Variants in KDM4C observed in about 807,000 individuals in gnomAD.
KDM4C encodes lysine demethylase 4C, also known as lysine-specific demethylase 4C.
Under a neutral mutation model 129.3 loss-of-function variants are expected in KDM4C, and 81 were observed. The ratio of observed to expected loss-of-function variants is 0.63; its 90% CI spans 0.52 to 0.75. The LOEUF (loss-of-function observed/expected upper bound fraction) is 0.75. Among genes scored for constraint, KDM4C ranks in the 30% least tolerant of loss-of-function variants. The probability of loss-of-function intolerance (pLI) is 0.00; values close to 1 mark genes in which losing one functional copy is unlikely to be tolerated. For missense variants in KDM4C, 1,457 were observed against 1,304.0 expected, an observed-to-expected ratio of 1.12 and a Z score of -1.81; for synonymous variants, 573 against 456.1, an observed-to-expected ratio of 1.26 and a Z score of -3.26.
intron 15 of KDM4C, among the ~76,000 whole-genome samples, chr9:7,025,753 T>C (rs1446489779): frequency 6.6e-6 from 1 of 152,242 alleles, no homozygotes; most frequent in Non-Finnish European, 1.5e-5. Flanking sequence ...TTTTGGTTGG[T>C]TCATCTTTTA....
rs1170461363 is a variant in KDM4C at position 7,046,921 on chromosome 9, A to G, written c.2315+4A>G. On this transcript the variant is annotated splice_donor_region_variant and intron_variant, in intron 16 of 21. Transcript: ENST00000381309. The stretch of plus-strand genomic sequence containing the variant: ...TTAAGCAAACGAAGAACAATAAGTA[A>G]GTAATACATTAATTGTGTTGAATTT... 2.6e-6 allele frequency: 4 copies of G among 1,551,256 alleles called. No individual in the cohort carries two copies. The Admixed American group carries it at 5.0e-5, about 19-fold the overall frequency.
chr9:6,728,257 C>T (rs62566462), intron 1 of KDM4C, among the ~76,000 whole-genome samples: 13,098 of 152,196 alleles, frequency 0.086, 733 homozygotes, highest in Non-Finnish European at 0.12. Context: ...TATTCTTGGC[C>T]GGATGTGGTG....
At chr9:6,889,468 G>C (rs184534967) in intron 7 of KDM4C, among the ~76,000 whole-genome samples, 1 of 152,166 alleles carries the variant, frequency 6.6e-6, no homozygotes, top group Non-Finnish European at 1.5e-5. Context: ...GGGGCTGCCT[G>C]CGGGTGTAGG....
At chr9:7,054,340 C>G (rs1282425781) in intron 17 of KDM4C, among the ~76,000 whole-genome samples, 2 of 152,206 alleles carry the variant, frequency 1.3e-5, no homozygotes, top group South Asian at 2.1e-4. Context: ...CTTATTTTCT[C>G]TACTAGTATG....
chr9:6,824,501 T>C (rs1233846806), intron 4 of KDM4C, among the ~76,000 whole-genome samples: 1 of 152,136 alleles, frequency 6.6e-6, no homozygotes, highest in Admixed American at 6.5e-5. Flanking sequence ...TTCTCAAACT[T>C]TCATCTTAAG....
intron 1 of KDM4C, among the ~76,000 whole-genome samples, chr9:6,738,388 T>TCG (rs1336846146): frequency 6.6e-6 from 1 of 152,110 alleles, no homozygotes; most frequent in African/African-American, 2.4e-5. Flanking sequence ...GGCAGGAGAA[T>TCG]CGCTTGAACC....
chr9:6,864,630 A>G (rs145014950), intron 5 of KDM4C, among the ~76,000 whole-genome samples: 3 of 151,640 alleles, frequency 2.0e-5, no homozygotes, highest in African/African-American at 7.3e-5. Context: ...CAACATGCCC[A>G]GCTAATTTTT....
intron 15 of KDM4C, among the ~76,000 whole-genome samples, chr9:7,044,620 G>A (rs1047209047): frequency 6.6e-6 from 1 of 151,956 alleles, no homozygotes; most frequent in African/African-American, 2.4e-5. Context: ...AGGCACCAAT[G>A]ATGGAAAACA....
At chr9:6,854,748 C>T (rs1354818570) in intron 5 of KDM4C, among the ~76,000 whole-genome samples, 5 of 152,100 alleles carry the variant, frequency 3.3e-5, no homozygotes, top group Admixed American at 2.6e-4. Flanking sequence ...TACTGTGTAG[C>T]AGTTAAGAAG....
intron 8 of KDM4C, among the ~76,000 whole-genome samples, chr9:6,930,536 G>A (rs1049321740): frequency 4.0e-5 from 4 of 99,922 alleles, no homozygotes; most frequent in African/African-American, 6.9e-5. Flanking sequence ...ATGAATATAT[G>A]TGTTATATAT....
intron 17 of KDM4C, among the ~76,000 whole-genome samples, chr9:7,062,731 A>C (rs1354695932): frequency 6.7e-6 from 1 of 150,088 alleles, no homozygotes; most frequent in African/African-American, 2.5e-5. Flanking sequence ...TATTCCCTTT[A>C]CTGTTTTAAG....
Position 6,925,255 on chromosome 9 carries a change from C to T in KDM4C, c.921+32023C>T, listed in dbSNP as rs981421035. On this transcript the variant is annotated intron_variant, in intron 8 of 21. Transcript: ENST00000381309. ...GAGCTTCAGACGGAATAATTATGAA[C>T]AGCATTGTAGGAGGTAGTTACTATG... 7.7e-5 allele frequency: 76 copies of T among 985,270 alleles called. No individual in the cohort carries two copies. In the African/African-American group the frequency reaches 1.2e-3, roughly 16 times the overall value. The allele number at this position is 985,270 out of a possible 1,614,324, so 61.0% of individuals were successfully genotyped here. A position where few individuals can be genotyped will look rare whatever the true frequency, so the allele number is the denominator to read the frequency against.
At chr9:7,088,393 T>G (rs1835397313) in intron 17 of KDM4C, among the ~76,000 whole-genome samples, 1 of 152,226 alleles carries the variant, frequency 6.6e-6, no homozygotes, top group African/African-American at 2.4e-5. Flanking sequence ...TTTAAGAAAT[T>G]ACAGTTCTTT....
intron 17 of KDM4C, chr9:7,077,198 A>G: frequency 1.0e-6 from 1 of 985,402 alleles, no homozygotes; most frequent in Non-Finnish European, 1.2e-6. Context: ...CTGTGGGAAG[A>G]GAGGTCATTG....
At chr9:6,873,171 A>G (rs1588860076) in intron 5 of KDM4C, among the ~76,000 whole-genome samples, 1 of 152,130 alleles carries the variant, frequency 6.6e-6, no homozygotes, top group East Asian at 1.9e-4. Flanking sequence ...TAATTTTTGT[A>G]TTTTTAGTAG....
chr9:6,967,815 T>G (rs11790731), intron 8 of KDM4C, among the ~76,000 whole-genome samples: 56 of 152,328 alleles, frequency 3.7e-4, no homozygotes, highest in Admixed American at 1.5e-3. Flanking sequence ...CTCATTATAT[T>G]GTGAGTTTTT....
At chr9:6,971,788 T>C (rs1832030181) in intron 8 of KDM4C, among the ~76,000 whole-genome samples, 1 of 152,228 alleles carries the variant, frequency 6.6e-6, no homozygotes. Flanking sequence ...TCAGGTAATT[T>C]AATTTTAAAA....
chr9:6,966,270 C>T (rs929344785), intron 8 of KDM4C, among the ~76,000 whole-genome samples: 3 of 152,100 alleles, frequency 2.0e-5, no homozygotes, highest in African/African-American at 7.2e-5. Context: ...GCAAGCTCCG[C>T]CTTCCAGGTT....
chr9:7,055,681 C>A (rs557626906), intron 17 of KDM4C, among the ~76,000 whole-genome samples: 2 of 152,166 alleles, frequency 1.3e-5, no homozygotes, highest in East Asian at 3.9e-4. Context: ...GGAGAAAATA[C>A]AATCACACTT....
Sources: gnomAD v4.1 joint callset for allele counts (sites outside exome capture counted in the v4.1 genomes callset) on GRCh38, gnomAD v4.1.1 for gene constraint, MANE v1.5 for transcripts, NCBI Gene and HGNC (gene_info 2026-07-23, HGNC 2026-07-21) for gene names.